The following CAMSAP2 variants were observed in gnomAD, a reference collection of about 807,000 sequenced individuals.
CAMSAP2 encodes the protein calmodulin-regulated spectrin-associated protein 2.
A neutral mutation model predicts 146.1 loss-of-function variants in CAMSAP2; 26 were observed. The ratio of observed to expected loss-of-function variants is 0.18; its 90% CI spans 0.13 to 0.25. CAMSAP2 has a LOEUF of 0.25. Among genes scored for constraint, CAMSAP2 ranks in the 10% least tolerant of loss-of-function variants. The probability of loss-of-function intolerance (pLI) is 1.00; values close to 1 mark genes in which losing one functional copy is unlikely to be tolerated. For synonymous variants in CAMSAP2, 499 were observed against 596.6 expected, an observed-to-expected ratio of 0.84 and a Z score of 2.38; for missense variants, 1,381 against 1,759.3, an observed-to-expected ratio of 0.78 and a Z score of 3.85.
chr1:200,854,230 C>T (rs529775155), intron 13 of CAMSAP2, among the ~76,000 whole-genome samples: 1 of 152,246 alleles, frequency 6.6e-6, no homozygotes, highest in South Asian at 2.1e-4. Context: ...AATCTGCCTG[C>T]CTTGGCCTCC....
chr1:200,784,395 G>A (rs1198727466), intron 2 of CAMSAP2, among the ~76,000 whole-genome samples: 2 of 151,734 alleles, frequency 1.3e-5, no homozygotes, highest in Non-Finnish European at 2.9e-5. Flanking sequence ...TTAACAATTT[G>A]TGTCTTCCAG....
rs748635364 is a variant in CAMSAP2 at position 200,858,035 on chromosome 1, A to G, written c.4413A>G (p.Lys1471=). Residue 1471 remains lysine (K), a synonymous_variant, in exon 17 of 17, where the codon AAA becomes AAG. Coordinates refer to ENST00000358823, the MANE Select transcript of CAMSAP2 (RefSeq NM_203459.4). ...AGACCAAAAGACCAGTAACACCCAA[A>G]AAACTTTTACCCACTAAGGCATAGA... is the stretch of plus-strand genomic sequence containing the variant. The part of the protein sequence containing the change: ...LWQTKRPVTP[K]KLLPTKA The G allele has an allele frequency of 6.3e-7, 1 of 1,596,162 alleles. No individual in the cohort carries two copies. Among genetic ancestry groups the G allele is most frequent in the East Asian group, 2.2e-5 (1 of 44,468 alleles).
rs771653132 is a variant in CAMSAP2 at position 200,848,866 on chromosome 1, T to C, written c.2097T>C (p.His699=). The C allele has an allele frequency of 2.1e-5, 34 of 1,614,026 alleles. 1 individual carries two copies. Among genetic ancestry groups the C allele is most frequent in the Non-Finnish European group, 2.5e-5 (30 of 1,180,004 alleles). The change falls in exon 11 of 17, where the codon CAT becomes CAC. Residue 699 remains histidine, a synonymous_variant. Coordinates refer to ENST00000358823, the MANE Select transcript of CAMSAP2 (RefSeq NM_203459.4). The part of the protein sequence containing the change: ...FAEQKFRKLN[H]TDGKSSGSSS... ...AACAAAAATTCAGGAAACTGAATCA[T>C]ACCGATGGAAAAAGTAGTGGAAGCA...
At chr1:200,852,723 G>A in intron 12 of CAMSAP2, 46 bp downstream of exon 12, 1 of 1,563,584 alleles carries the variant, frequency 6.4e-7, no homozygotes, top group Non-Finnish European at 8.6e-7. Flanking sequence ...CTTTAATGAT[G>A]CATGGGCATA....
At position 200,739,880 on chromosome 1, in the gene CAMSAP2, C is replaced by T. The variant is rs766960871; in HGVS notation, c.53C>T (p.Ala18Val). ...REMRKTFIVP[A>V]IKPFDHYDFS... ...ATGAGAAAGACGTTCATTGTTCCAG[C>T]CATCAAGCCTTTTGACCACTATGAT... The change falls in exon 1 of 17, where the codon GCC becomes GTC. Residue 18 changes from alanine to valine, a missense_variant. Ala to Val is a moderately conservative substitution (Grantham distance 64). This residue lies in a region of CAMSAP2 where 284 missense variants were observed against 406.9 expected (regional missense o/e 0.70). Transcript: ENST00000358823. The surrounding 1 kb of genome is among the most constrained non-coding windows in gnomAD (Gnocchi z 4.8). 1.2e-6 allele frequency: 2 copies of T among 1,614,066 alleles called. No homozygotes were observed. The highest frequency in any genetic ancestry group is 2.7e-5 in the African/African-American group (2 of 74,928).
chr1:200,750,178 A>T lies in CAMSAP2; in HGVS notation c.139+10212A>T, dbSNP rs1664457866. Among the ~76,000 whole-genome samples, 2 of 152,108 alleles carry T rather than the reference A, an allele frequency of 1.3e-5. 1 individual carries two copies. Among genetic ancestry groups the T allele is most frequent in the South Asian group, 4.2e-4 (2 of 4,812 alleles). On this transcript the variant is annotated intron_variant, in intron 1 of 16. Transcript: ENST00000358823. ...GGAGTAAATATAGTAATTAAGATAA[A>T]AAGTGCTGGTTGCCTGAACTAGGGA... is the stretch of plus-strand genomic sequence containing the variant.
intron 1 of CAMSAP2, among the ~76,000 whole-genome samples, chr1:200,741,578 A>G (rs1664177494): frequency 6.6e-6 from 1 of 152,262 alleles, no homozygotes; most frequent in South Asian, 2.1e-4. Context: ...GGCAAAGGGA[A>G]TAAGAGAAAT....
At chr1:200,814,151 TG>T (rs1666414023) in intron 3 of CAMSAP2, among the ~76,000 whole-genome samples, 2 of 8,996 alleles carry the variant, frequency 2.2e-4, no homozygotes, top group Non-Finnish European at 4.2e-4. Flanking sequence ...GGTGGGCGGG[TG>T]GGGAATGAAA....
chr1:200,769,482 A>G (rs1665053776), intron 2 of CAMSAP2, among the ~76,000 whole-genome samples: 1 of 152,112 alleles, frequency 6.6e-6, no homozygotes, highest in Non-Finnish European at 1.5e-5. Context: ...GTCAGATCCC[A>G]CAGGTTGAGG....
intron 2 of CAMSAP2, among the ~76,000 whole-genome samples, chr1:200,804,318 T>A (rs1417013010): frequency 6.6e-6 from 1 of 152,194 alleles, no homozygotes; most frequent in Non-Finnish European, 1.5e-5. Context: ...TGGTATTCTG[T>A]TTTTTCCACT....
intron 4 of CAMSAP2, among the ~76,000 whole-genome samples, chr1:200,831,528 A>G (rs964166016): frequency 3.9e-5 from 6 of 152,158 alleles, no homozygotes; most frequent in African/African-American, 1.4e-4. Flanking sequence ...CTATCTAGCC[A>G]CACCAAACAA....
At chr1:200,780,484 A>G (rs565911096) in intron 2 of CAMSAP2, among the ~76,000 whole-genome samples, 2 of 152,360 alleles carry the variant, frequency 1.3e-5, no homozygotes, top group Admixed American at 6.5e-5. Flanking sequence ...CATATATTCA[A>G]ACTTATTTCA....
chr1:200,772,692 TGAC>T (rs1183507334), intron 2 of CAMSAP2, among the ~76,000 whole-genome samples: 1 of 152,174 alleles, frequency 6.6e-6, no homozygotes, highest in Non-Finnish European at 1.5e-5. Flanking sequence ...AGTGGTAAAA[TGAC>T]AGTGTTACTA....
Position 200,853,388 on chromosome 1 carries a change from C to G in CAMSAP2, c.3716C>G (p.Thr1239Arg). The change falls in exon 13 of 17, where the codon ACA becomes AGA. Residue 1239 changes from threonine to arginine, a missense_variant. Physicochemically the swap from Thr to Arg is moderately conservative, Grantham distance 71 (BLOSUM62 -1). Around this residue, in one of 4 missense-constraint regions of CAMSAP2, gnomAD observed 560 missense variants for 715.9 expected, o/e 0.78. Coordinates refer to ENST00000358823, the MANE Select transcript of CAMSAP2 (RefSeq NM_203459.4). This position sits in a 1 kb window ranked among gnomAD's most constrained non-coding sequence, Gnocchi z 5.1. ...CTGAAACTAATGGAAGATATGGATA[C>G]AGTAATTAAACCCCGTCCTCAAGTA... is the stretch of plus-strand genomic sequence containing the variant. ...KQLKLMEDMD[T>R]VIKPRPQVVK... 1 of 1,613,724 alleles carries G rather than the reference C, an allele frequency of 6.2e-7. No homozygotes were observed. The highest frequency in any genetic ancestry group is 8.5e-7 in the Non-Finnish European group (1 of 1,179,758).
intron 10 of CAMSAP2, 47 bp downstream of exon 10, chr1:200,847,756 G>A (rs773387151): frequency 7.0e-7 from 1 of 1,435,378 alleles, no homozygotes; most frequent in Non-Finnish European, 9.7e-7. Context: ...ATTAAGAAAT[G>A]CAAATTGCAT....
intron 2 of CAMSAP2, among the ~76,000 whole-genome samples, chr1:200,793,357 T>C (rs1383339075): frequency 6.6e-6 from 1 of 152,200 alleles, no homozygotes; most frequent in African/African-American, 2.4e-5. Flanking sequence ...GACCTACTTC[T>C]ATTTCTAGGG....
intron 1 of CAMSAP2, among the ~76,000 whole-genome samples, chr1:200,749,561 C>T (rs1029028167): frequency 2.0e-5 from 3 of 152,032 alleles, no homozygotes; most frequent in Non-Finnish European, 4.4e-5. Flanking sequence ...TTTTTTCCAT[C>T]CCTTTCTATG....
At chr1:200,747,986 CAAAAAA>C (rs901478330) in intron 1 of CAMSAP2, among the ~76,000 whole-genome samples, 1 of 68,786 alleles carries the variant, frequency 1.5e-5, no homozygotes, top group Non-Finnish European at 3.4e-5. Context: ...GACTCCGTCT[CAAAAAA>C]AAAAAAAAAA....
chr1:200,789,964 T>G (rs1430997964), intron 2 of CAMSAP2, among the ~76,000 whole-genome samples: 5 of 152,220 alleles, frequency 3.3e-5, no homozygotes, highest in Non-Finnish European at 7.3e-5. Flanking sequence ...TGTTGGTATA[T>G]AGGAATGTGT....
Sources: gnomAD v4.1 joint callset for allele counts (sites outside exome capture counted in the v4.1 genomes callset) on GRCh38, gnomAD v4.1.1 for gene constraint, gnomAD v4.1.1 regional missense constraint, Gnocchi (gnomAD v3.1) non-coding constraint, MANE v1.5 for transcripts, NCBI Gene and HGNC (gene_info 2026-07-23, HGNC 2026-07-21) for gene names.